The following DYNC2H1 variants were observed in gnomAD, a reference collection of about 807,000 sequenced individuals.
The protein encoded by DYNC2H1 is dynein cytoplasmic 2 heavy chain 1, also known as cytoplasmic dynein 2 heavy chain 1.
DYNC2H1 carries 410 observed loss-of-function variants against 570.0 expected under a neutral mutation model. The ratio of observed to expected loss-of-function variants is 0.72; its 90% CI spans 0.66 to 0.78. The LOEUF (loss-of-function observed/expected upper bound fraction) is 0.78, where lower values mean the gene tolerates loss of function less well. DYNC2H1 is among the 30% of genes least tolerant of loss of function. The pLI is 0.00. For synonymous variants in DYNC2H1, 1,688 were observed against 1,677.6 expected (o/e 1.01, Z -0.15); for missense variants, 4,865 against 5,046.4 (o/e 0.96, Z 1.09).
intron 83 of DYNC2H1, among the ~76,000 whole-genome samples, chr11:103,368,975 C>T (rs1032680185): frequency 3.3e-5 from 5 of 152,272 alleles, no homozygotes; most frequent in Middle Eastern, 3.4e-3. Context: ...ATTTAACTAT[C>T]TGCACACACA....
In DYNC2H1 at chr11:103,369,352, G is replaced by A. The variant is rs1941050050; in HGVS notation, c.12156+10993G>A. 6.6e-6 allele frequency among the ~76,000 whole-genome samples: 1 copy of A among 152,114 alleles called. No individual in the cohort carries two copies. The highest frequency in any genetic ancestry group is 2.4e-5 in the African/African-American group (1 of 41,424). ...CACCAAAGCAGGCGGAAGTACTCTG[G>A]GGCTCTAAATAATCTTGAAAAGCAG... On this transcript the variant is annotated intron_variant, in intron 83 of 88. Transcript: ENST00000375735. The surrounding 1 kb of genome is among the most constrained non-coding windows in gnomAD (Gnocchi z 4.0).
chr11:103,370,517 G>C (rs1243007425), intron 83 of DYNC2H1, among the ~76,000 whole-genome samples: 1 of 152,172 alleles, frequency 6.6e-6, no homozygotes, highest in Non-Finnish European at 1.5e-5. Context: ...GCCTTGGCAA[G>C]ACCTAGTGCT....
intron 57 of DYNC2H1, among the ~76,000 whole-genome samples, 162 bp from the exon 58 acceptor site, chr11:103,221,868 C>T (rs887597902): frequency 2.6e-5 from 4 of 151,994 alleles, no homozygotes; most frequent in African/African-American, 9.7e-5. Context: ...ATCAAACAAA[C>T]AAAAATAAGG....
chr11:103,319,108 A>G lies in DYNC2H1; in HGVS notation c.11726-1921A>G, dbSNP rs1401211997. Among the ~76,000 whole-genome samples, 1 of 152,172 alleles carries G rather than the reference A, an allele frequency of 6.6e-6. No homozygotes were observed. Among genetic ancestry groups the G allele is most frequent in the East Asian group, 1.9e-4 (1 of 5,202 alleles). On this transcript the variant is annotated intron_variant, in intron 80 of 88. Transcript: ENST00000375735. The surrounding 1 kb of genome is among the most constrained non-coding windows in gnomAD (Gnocchi z 4.3). ...ATTAGTGTTAGTGCCTTTTCACAAA[A>G]GAGAAAAGCAAAACAGAATTTGAAT...
At chr11:103,159,064 G>T in intron 28 of DYNC2H1, 37 bp downstream of exon 28, 1 of 1,517,808 alleles carries the variant, frequency 6.6e-7, no homozygotes, top group Non-Finnish European at 9.1e-7. Context: ...TATTTATTGA[G>T]TTTCAACTGT....
At chr11:103,144,126 T>C (rs569895519) in intron 18 of DYNC2H1, among the ~76,000 whole-genome samples, 29 of 152,312 alleles carry the variant, frequency 1.9e-4, no homozygotes, top group Non-Finnish European at 3.8e-4. Flanking sequence ...AAGACAAATA[T>C]ATTTGATGAT....
chr11:103,257,076 G>T (rs1865086469), intron 68 of DYNC2H1, among the ~76,000 whole-genome samples: 3 of 152,198 alleles, frequency 2.0e-5, no homozygotes, highest in African/African-American at 7.2e-5. Context: ...AATCCCCAGT[G>T]TAATAGTATT....
intron 17 of DYNC2H1, among the ~76,000 whole-genome samples, chr11:103,137,446 G>GT (rs1859630829): frequency 6.6e-6 from 1 of 151,900 alleles, no homozygotes; most frequent in Non-Finnish European, 1.5e-5. Context: ...TCTACATATG[G>GT]TTAGCCAGTT....
intron 75 of DYNC2H1, among the ~76,000 whole-genome samples, chr11:103,302,658 C>G (rs768073104): frequency 5.4e-4 from 82 of 152,138 alleles, no homozygotes; most frequent in African/African-American, 1.9e-3. Context: ...TCCCCATATG[C>G]GTGACACAGA....
chr11:103,194,570 A>G (rs1862443561), intron 47 of DYNC2H1, among the ~76,000 whole-genome samples: 3 of 152,134 alleles, frequency 2.0e-5, no homozygotes, highest in Non-Finnish European at 2.9e-5. Context: ...TTAGCCATTC[A>G]TGTAAGTGTA....
At chr11:103,214,428 A>G (rs552916539) in intron 54 of DYNC2H1, among the ~76,000 whole-genome samples, 1 of 148,568 alleles carries the variant, frequency 6.7e-6, no homozygotes, top group East Asian at 2.0e-4. Flanking sequence ...CATTTTAACA[A>G]TACTAGTACT....
chr11:103,291,449 A>T (rs1449156296), intron 75 of DYNC2H1, among the ~76,000 whole-genome samples: 1 of 152,016 alleles, frequency 6.6e-6, no homozygotes, highest in Admixed American at 6.6e-5. Flanking sequence ...ATAAATAAAT[A>T]AATAAATAAA....
Position 103,243,214 on chromosome 11 carries a change from A to G in DYNC2H1, c.9820-479A>G, listed in dbSNP as rs1219487054. 1.3e-5 allele frequency among the ~76,000 whole-genome samples: 2 copies of G among 152,042 alleles called. No individual in the cohort carries two copies. The highest frequency in any genetic ancestry group is 2.9e-5 in the Non-Finnish European group (2 of 68,024). On this transcript the variant is annotated intron_variant, in intron 63 of 88. Coordinates refer to ENST00000375735, the MANE Select transcript of DYNC2H1 (RefSeq NM_001377.3). The surrounding 1 kb of genome is among the most constrained non-coding windows in gnomAD (Gnocchi z 4.8). ...AGCAGTGTTTTAATGATTTGCTCAT[A>G]CTTCTTTTTATGGCCTTTATAGTTT...
At position 103,479,728 on chromosome 11, in the gene DYNC2H1, A is replaced by G. The variant is rs1945681940; in HGVS notation, c.*475A>G. ...TGAATATAATTATACTATGCTAATTATAATATACAAATATATAATTATTGT... is the reference window on the plus strand; with the variant it reads ...TGAATATAATTATACTATGCTAATTGTAATATACAAATATATAATTATTGT... On this transcript the variant is annotated 3_prime_UTR_variant, in exon 89 of 89. Coordinates refer to ENST00000375735, the MANE Select transcript of DYNC2H1 (RefSeq NM_001377.3). 6.6e-6 allele frequency: 1 copy of G among 151,926 alleles called. No homozygotes were observed. Among genetic ancestry groups the G allele is most frequent in the Admixed American group, 6.6e-5 (1 of 15,238 alleles). The allele number at this position is 151,926 out of a possible 1,614,324, so 9.4% of individuals were successfully genotyped here.
chr11:103,246,270 G>T (rs184893753), intron 65 of DYNC2H1, among the ~76,000 whole-genome samples: 1 of 152,050 alleles, frequency 6.6e-6, no homozygotes, highest in East Asian at 1.9e-4. Flanking sequence ...CCTTCTGTTG[G>T]GGGTAACTCA....
In DYNC2H1 at chr11:103,299,120, T is replaced by G. The variant is rs1052090165; in HGVS notation, c.11096-3973T>G. On this transcript the variant is annotated intron_variant, in intron 75 of 88. Coordinates refer to ENST00000375735, the MANE Select transcript of DYNC2H1 (RefSeq NM_001377.3). This position sits in a 1 kb window ranked among gnomAD's most constrained non-coding sequence, Gnocchi z 4.5. ...GGAAATGTAAAGAGACATGTCCCCA[T>G]ACGGTGCTACAATAACTACAGTAAC... Among the ~76,000 whole-genome samples the G allele has an allele frequency of 2.0e-5, 3 of 151,656 alleles. No homozygotes were observed. The highest frequency in any genetic ancestry group is 2.1e-4 in the South Asian group (1 of 4,816).
At chr11:103,370,353 C>G (rs980019410) in intron 83 of DYNC2H1, among the ~76,000 whole-genome samples, 8 of 152,232 alleles carry the variant, frequency 5.3e-5, no homozygotes, top group African/African-American at 1.9e-4. Context: ...TAGTTCCTAG[C>G]TGCCAGACAG....
At chr11:103,276,945 C>G (rs969339315) in intron 70 of DYNC2H1, among the ~76,000 whole-genome samples, 9 of 152,084 alleles carry the variant, frequency 5.9e-5, no homozygotes, top group Non-Finnish European at 1.0e-4. Flanking sequence ...CAATTTCATT[C>G]TCAACAGCAA....
At chr11:103,408,376 T>C (rs1459307070) in intron 84 of DYNC2H1, 1 of 152,042 alleles carries the variant, frequency 6.6e-6, no homozygotes, top group East Asian at 1.9e-4. Flanking sequence ...ATTACAGGCA[T>C]ATTGTTAAGA....
Sources: gnomAD v4.1 joint callset for allele counts (sites outside exome capture counted in the v4.1 genomes callset) on GRCh38, gnomAD v4.1.1 for gene constraint, Gnocchi (gnomAD v3.1) non-coding constraint, MANE v1.5 for transcripts, NCBI Gene and HGNC (gene_info 2026-07-23, HGNC 2026-07-21) for gene names.